UBE2Z: variants seen among roughly 807,000 people sequenced by gnomAD.
The protein encoded by UBE2Z is ubiquitin-conjugating enzyme E2 Z.
Under a neutral mutation model 32.6 loss-of-function variants are expected in UBE2Z, and 10 were observed. That is an observed-to-expected ratio of 0.31 (90% confidence interval 0.19 to 0.52). UBE2Z has a LOEUF of 0.52. Ranked by LOEUF, UBE2Z falls within the 20% of genes least tolerant of loss-of-function variation. The probability of loss-of-function intolerance (pLI) is 0.97; values close to 1 mark genes in which losing one functional copy is unlikely to be tolerated. For missense variants in UBE2Z, 343 were observed against 480.9 expected (o/e 0.71, Z 2.68); for synonymous variants, 183 against 190.8 (o/e 0.96, Z 0.34).
chr17:48,910,010 A>G (rs917640609), intron 1 of UBE2Z, among the ~76,000 whole-genome samples: 2 of 152,162 alleles, frequency 1.3e-5, no homozygotes, highest in South Asian at 2.1e-4. Context: ...CAATTCTGAC[A>G]TACCTTTGAG....
At chr17:48,910,904 GGGGGTTTT>G in intron 2 of UBE2Z, 24 bp downstream of exon 2, 1 of 1,600,302 alleles carries the variant, frequency 6.2e-7, no homozygotes, top group South Asian at 1.1e-5. Context: ...TGGGGGTTTG[GGGGGTTTT>G]GGGAAATTGG....
chr17:48,925,749 T>A (rs1760454828), intron 6 of UBE2Z, among the ~76,000 whole-genome samples: 1 of 152,098 alleles, frequency 6.6e-6, no homozygotes. Flanking sequence ...AATTGACAGC[T>A]CCATAGTAGT....
At chr17:48,909,361 G>C (rs1267959171) in intron 1 of UBE2Z, among the ~76,000 whole-genome samples, 1 of 151,828 alleles carries the variant, frequency 6.6e-6, no homozygotes, top group East Asian at 1.9e-4. Flanking sequence ...CCTCCACACA[G>C]TCTTTTCCCA....
Position 48,916,633 on chromosome 17 carries a change from A to C in UBE2Z, c.690+446A>C, listed in dbSNP as rs556917148. On this transcript the variant is annotated intron_variant, in intron 4 of 6. Coordinates refer to ENST00000360943, the MANE Select transcript of UBE2Z (RefSeq NM_023079.5). ...TTTGTTTTGGACCTAGCACAGCCCC[A>C]TGTACTACATTTGTTGGTATAGGGA... 2.0e-5 allele frequency among the ~76,000 whole-genome samples: 3 copies of C among 147,240 alleles called. No homozygotes were observed. The Admixed American group carries it at 2.0e-4, about 10-fold the overall frequency.
intron 3 of UBE2Z, among the ~76,000 whole-genome samples, chr17:48,914,488 G>C (rs937829363): frequency 2.6e-5 from 4 of 152,196 alleles, no homozygotes; most frequent in Non-Finnish European, 5.9e-5. Flanking sequence ...TCTCGTTAGG[G>C]TACTTAATTA....
intron 6 of UBE2Z, among the ~76,000 whole-genome samples, chr17:48,923,700 A>G (rs1248711488): frequency 6.6e-6 from 1 of 151,020 alleles, no homozygotes; most frequent in Non-Finnish European, 1.5e-5. Context: ...ATGAAGTCAT[A>G]GGGAACTCTT....
chr17:48,926,715 A>C, intron 6 of UBE2Z, among the ~76,000 whole-genome samples: 1 of 152,100 alleles, frequency 6.6e-6, no homozygotes, highest in East Asian at 1.9e-4. Flanking sequence ...TCCCAACCTC[A>C]GGTGATCCGC....
chr17:48,920,078 T>C (rs1271252587), intron 4 of UBE2Z, among the ~76,000 whole-genome samples: 2 of 152,104 alleles, frequency 1.3e-5, no homozygotes, highest in African/African-American at 4.8e-5. Context: ...TCCCAGCTAC[T>C]TGGGAAGCTG....
intron 2 of UBE2Z, chr17:48,911,407 C>T (rs781694125): frequency 1.3e-5 from 2 of 155,032 alleles, no homozygotes; most frequent in Non-Finnish European, 1.4e-5. Flanking sequence ...CCTCTCTTGT[C>T]CTCCTCTCAG....
rs1226552423 is a variant in UBE2Z, at chr17:48,922,951, T to C, written c.894+14T>C. The C allele has an allele frequency of 2.5e-6, 4 of 1,600,934 alleles. No homozygotes were observed. Among genetic ancestry groups the C allele is most frequent in the Non-Finnish European group, 3.4e-6 (4 of 1,172,176 alleles). ...CAAACTATGCAGGTAATACAACCCC[T>C]GCTGCTAATTGCAGAAGCCCTACAG... On this transcript the variant is annotated intron_variant, in intron 6 of 6. Coordinates refer to ENST00000360943, the MANE Select transcript of UBE2Z (RefSeq NM_023079.5).
rs1400615804 is a variant in UBE2Z, at chr17:48,924,949, G to A, written c.894+2012G>A. Among the ~76,000 whole-genome samples the A allele has an allele frequency of 2.6e-5, 4 of 151,928 alleles. No homozygotes were observed. The East Asian group carries it at 7.7e-4, about 29-fold the overall frequency. Reference sequence around the variant, plus strand: ...TCCTGTCCTGGAGAATCAGTTCTTGGGTGTTTGGATCATCTTACTGGTGGT... The same window carrying A: ...TCCTGTCCTGGAGAATCAGTTCTTGAGTGTTTGGATCATCTTACTGGTGGT... On this transcript the variant is annotated intron_variant, in intron 6 of 6. Coordinates refer to ENST00000360943, the MANE Select transcript of UBE2Z (RefSeq NM_023079.5).
At chr17:48,916,586 T>TTTTTG (rs77094622) in intron 4 of UBE2Z, among the ~76,000 whole-genome samples, 70,725 of 148,816 alleles carry the variant, frequency 0.48, 17,064 homozygotes, top group Admixed American at 0.59. Flanking sequence ...TGGGAGGTTT[T>TTTTTG]TTTTGTTTTG....
intron 3 of UBE2Z, chr17:48,915,800 G>T: frequency 2.9e-6 from 1 of 349,696 alleles, no homozygotes; most frequent in South Asian, 4.5e-5. Context: ...TTTGATTGTC[G>T]TAACTGTTTC....
intron 2 of UBE2Z, 89 bp from the exon 3 acceptor site, chr17:48,912,745 T>C: frequency 7.1e-7 from 1 of 1,402,904 alleles, no homozygotes; most frequent in South Asian, 1.2e-5. Context: ...TGGACTCTGC[T>C]TCTGGTGTGG....
intron 6 of UBE2Z, among the ~76,000 whole-genome samples, chr17:48,924,177 C>G (rs946683718): frequency 1.3e-5 from 2 of 152,158 alleles, no homozygotes; most frequent in Non-Finnish European, 2.9e-5. Context: ...GGGTCCCACT[C>G]TATTGCCCAG....
chr17:48,910,729 A>G (rs2040670632), intron 1 of UBE2Z, 79 bp from the exon 2 acceptor site: 6 of 1,105,476 alleles, frequency 5.4e-6, no homozygotes, highest in Non-Finnish European at 7.0e-6. Flanking sequence ...TTGAGGTGAT[A>G]ACAACTGTCC....
chr17:48,921,068 G>A, intron 4 of UBE2Z, 92 bp from the exon 5 acceptor site: 2 of 983,378 alleles, frequency 2.0e-6, no homozygotes, highest in Non-Finnish European at 1.5e-6. Context: ...TGTGTGACTG[G>A]CTGACATACC....
At chr17:48,912,632 A>G (rs1018129940) in intron 2 of UBE2Z, 5 of 564,530 alleles carry the variant, frequency 8.9e-6, no homozygotes, top group South Asian at 2.5e-5. Flanking sequence ...ATGTCATTCC[A>G]CTGTAATGAG....
intron 1 of UBE2Z, among the ~76,000 whole-genome samples, chr17:48,909,615 C>T (rs2040661026): frequency 7.0e-6 from 1 of 143,180 alleles, no homozygotes; most frequent in African/African-American, 2.6e-5. Flanking sequence ...AATATAGGAA[C>T]AAAGGCCTAA....
Sources: allele counts gnomAD v4.1 joint callset (sites outside exome capture counted in the v4.1 genomes callset), GRCh38; gene constraint gnomAD v4.1.1; transcripts MANE v1.5; gene names NCBI Gene and HGNC (gene_info 2026-07-23, HGNC 2026-07-21).